The following ASTN2 variants were observed in gnomAD, a reference collection of about 807,000 sequenced individuals.
The protein encoded by ASTN2 is astrotactin 2.
In ASTN2, 54 loss-of-function variants were observed where a neutral mutation model predicts 139.8. The ratio of observed to expected loss-of-function variants is 0.39; its 90% CI spans 0.31 to 0.48. The LOEUF is 0.48. ASTN2 is among the 20% of genes least tolerant of loss of function. The pLI is 0.95. For missense variants in ASTN2, 1,565 were observed against 1,725.1 expected, an observed-to-expected ratio of 0.91 and a Z score of 1.64; for synonymous variants, 756 against 719.5, an observed-to-expected ratio of 1.05 and a Z score of -0.81.
At chr9:116,544,988 G>T (rs2119371530) in intron 19 of ASTN2, among the ~76,000 whole-genome samples, 1 of 152,308 alleles carries the variant, frequency 6.6e-6, no homozygotes, top group South Asian at 2.1e-4. Context: ...CCAGCTACCT[G>T]CTCCCCTGTA....
At chr9:117,289,849 A>G (rs1834543082) in intron 2 of ASTN2, among the ~76,000 whole-genome samples, 1 of 152,190 alleles carries the variant, frequency 6.6e-6, no homozygotes, top group Non-Finnish European at 1.5e-5. Context: ...AAAGGCCTTG[A>G]TTTGTTCCTC....
At chr9:116,685,078 A>C (rs1860116426) in intron 16 of ASTN2, among the ~76,000 whole-genome samples, 1 of 152,196 alleles carries the variant, frequency 6.6e-6, no homozygotes, top group Admixed American at 6.5e-5. Context: ...GGAGTCATGC[A>C]GCTGGAGGTT....
intron 19 of ASTN2, among the ~76,000 whole-genome samples, chr9:116,589,166 G>A (rs1854277502): frequency 6.6e-6 from 1 of 152,180 alleles, no homozygotes; most frequent in South Asian, 2.1e-4. Flanking sequence ...CATACTGGTT[G>A]CATTAAGAAA....
intron 17 of ASTN2, among the ~76,000 whole-genome samples, chr9:116,621,529 G>A (rs1588096770): frequency 6.6e-6 from 1 of 151,814 alleles, no homozygotes; most frequent in East Asian, 1.9e-4. Flanking sequence ...GTCTCAAATA[G>A]GAAACATTCT....
intron 1 of ASTN2, among the ~76,000 whole-genome samples, chr9:117,294,116 C>T (rs1456283805): frequency 2.0e-5 from 3 of 152,228 alleles, no homozygotes; most frequent in Non-Finnish European, 2.9e-5. Context: ...AGCAGAAGGT[C>T]TCAGAAGGTT....
At chr9:116,635,050 C>T (rs1435744359) in intron 17 of ASTN2, among the ~76,000 whole-genome samples, 1 of 152,148 alleles carries the variant, frequency 6.6e-6, no homozygotes, top group Admixed American at 6.6e-5. Context: ...GCTTTACATG[C>T]ATAGTCTTAT....
chr9:117,302,630 T>A (rs1834904974), intron 1 of ASTN2, among the ~76,000 whole-genome samples: 1 of 152,160 alleles, frequency 6.6e-6, no homozygotes, highest in Non-Finnish European at 1.5e-5. Context: ...CCCAGGGGAC[T>A]CAGCATCTGA....
chr9:117,302,597 C>A (rs1328649727), intron 1 of ASTN2, among the ~76,000 whole-genome samples: 1 of 152,142 alleles, frequency 6.6e-6, no homozygotes, highest in African/African-American at 2.4e-5. Context: ...TCTGACTTGT[C>A]AACCCCAACC....
At chr9:116,866,000 A>G (rs1057500940) in intron 10 of ASTN2, among the ~76,000 whole-genome samples, 3 of 152,166 alleles carry the variant, frequency 2.0e-5, no homozygotes, top group Non-Finnish European at 2.9e-5. Flanking sequence ...CAGTAGCTTT[A>G]TGTTACCGCC....
chr9:117,120,386 C>T (rs547927031), intron 4 of ASTN2, among the ~76,000 whole-genome samples: 18 of 152,074 alleles, frequency 1.2e-4, no homozygotes, highest in Non-Finnish European at 2.1e-4. Context: ...GGCCACCATG[C>T]CACAGTGAGT....
At position 116,846,144 on chromosome 9, in the gene ASTN2, T is replaced by C. The variant is rs116401110; in HGVS notation, c.2040+17439A>G. Among the ~76,000 whole-genome samples, 924 of 152,294 alleles carry C rather than the reference T, an allele frequency of 6.1e-3. 8 individuals carry two copies. The highest frequency in any genetic ancestry group is 0.021 in the African/African-American group (866 of 41,548). Reference sequence around the variant, plus strand: ...ATATGACTCTATTTATATGAGGTGCTTATAGCAGTCAAATTCACAGAGATG... The same window carrying C: ...ATATGACTCTATTTATATGAGGTGCCTATAGCAGTCAAATTCACAGAGATG... On this transcript the variant is annotated intron_variant, in intron 11 of 22. Coordinates refer to ENST00000313400, the MANE Select transcript of ASTN2 (RefSeq NM_001365068.1).
At chr9:117,079,296 G>T (rs77382420) in intron 5 of ASTN2, among the ~76,000 whole-genome samples, 5,536 of 152,176 alleles carry the variant, frequency 0.036, 261 homozygotes, top group East Asian at 0.19. Flanking sequence ...GTCAAGTCTG[G>T]TGTGAGCTGC....
intron 5 of ASTN2, among the ~76,000 whole-genome samples, chr9:117,074,230 C>T (rs146392399): frequency 2.6e-5 from 4 of 152,250 alleles, no homozygotes; most frequent in African/African-American, 9.6e-5. Context: ...AGTCACTGCC[C>T]CATGTTGCCC....
intron 5 of ASTN2, among the ~76,000 whole-genome samples, chr9:117,048,165 A>T (rs1340622929): frequency 6.6e-6 from 1 of 152,168 alleles, no homozygotes; most frequent in Non-Finnish European, 1.5e-5. Flanking sequence ...AGCAGAAGCA[A>T]CAAATTTAAC....
intron 10 of ASTN2, among the ~76,000 whole-genome samples, chr9:116,960,112 C>T (rs1835834470): frequency 6.6e-6 from 1 of 152,122 alleles, no homozygotes; most frequent in Non-Finnish European, 1.5e-5. Context: ...CTCTGGCTCA[C>T]TTTGGAGGAG....
intron 17 of ASTN2, among the ~76,000 whole-genome samples, chr9:116,625,812 T>A (rs1398907799): frequency 6.6e-6 from 1 of 152,130 alleles, no homozygotes; most frequent in East Asian, 1.9e-4. Context: ...CACTTCTTCC[T>A]CCTTACTGAA....
intron 20 of ASTN2, among the ~76,000 whole-genome samples, chr9:116,448,506 G>A (rs1848076172): frequency 6.6e-6 from 1 of 152,216 alleles, no homozygotes; most frequent in African/African-American, 2.4e-5. Context: ...GGAACTGAGA[G>A]CTGTTTTTTC....
At position 116,715,035 on chromosome 9, in the gene ASTN2, C is replaced by G. The variant is rs1330521086; in HGVS notation, c.2806+10736G>C. ...GCGGAGCTTGCAGTGAGCCGAGATC[C>G]CGCCACTGCACTCCAGCCTGGGCGA... On this transcript the variant is annotated intron_variant, in intron 16 of 22. Transcript: ENST00000313400. Among the ~76,000 whole-genome samples, 8 of 3,314 alleles carry G rather than the reference C, an allele frequency of 2.4e-3. 4 individuals are homozygous for G. In the East Asian group the frequency reaches 0.078, roughly 32 times the overall value. The allele number at this position is 3,314 out of a possible 152,430, so 2.2% of individuals were successfully genotyped here.
chr9:117,016,167 G>A (rs1240529883), intron 6 of ASTN2, among the ~76,000 whole-genome samples: 1 of 152,038 alleles, frequency 6.6e-6, no homozygotes, highest in East Asian at 1.9e-4. Context: ...CCCTTTTGCA[G>A]AGATAAGGAA....
Sources: allele counts gnomAD v4.1 joint callset (sites outside exome capture counted in the v4.1 genomes callset), GRCh38; gene constraint gnomAD v4.1.1; transcripts MANE v1.5; gene names NCBI Gene and HGNC (gene_info 2026-07-23, HGNC 2026-07-21).